The following RBFOX1 variants were observed in gnomAD, a reference collection of about 807,000 sequenced individuals.
The protein encoded by RBFOX1 is RNA binding fox-1 homolog 1.
In RBFOX1, 8 loss-of-function variants were observed where a neutral mutation model predicts 57.7. The ratio of observed to expected loss-of-function variants is 0.14; its 90% CI spans 0.08 to 0.25. The LOEUF is 0.25. Among genes scored for constraint, RBFOX1 ranks in the 10% least tolerant of loss-of-function variants. The probability of loss-of-function intolerance (pLI) is 1.00; values close to 1 mark genes in which losing one functional copy is unlikely to be tolerated. For missense variants in RBFOX1, 611 were observed against 548.5 expected (o/e 1.11, Z -1.14); for synonymous variants, 326 against 222.4 (o/e 1.47, Z -4.15).
intron 1 of RBFOX1, among the ~76,000 whole-genome samples, chr16:5,399,668 C>T (rs1000218766): frequency 2.0e-5 from 3 of 151,798 alleles, no homozygotes; most frequent in African/African-American, 7.3e-5. Context: ...CACAGGAGAT[C>T]AAGGCTGCAG....
At chr16:6,251,471 T>C (rs1223787406) in intron 1 of RBFOX1, among the ~76,000 whole-genome samples, 2 of 152,150 alleles carry the variant, frequency 1.3e-5, no homozygotes, top group Admixed American at 6.6e-5. Flanking sequence ...TTTCTTTTCA[T>C]TGCAGCAGCC....
intron 4 of RBFOX1, among the ~76,000 whole-genome samples, chr16:5,943,629 G>T (rs116988454): frequency 0.019 from 2,920 of 152,234 alleles, 44 homozygotes; most frequent in Non-Finnish European, 0.03. Context: ...TCTGCATCTT[G>T]ATTGATTTAT....
intron 2 of RBFOX1, among the ~76,000 whole-genome samples, chr16:6,505,669 C>G (rs1280026903): frequency 1.3e-5 from 2 of 152,054 alleles, no homozygotes; most frequent in Admixed American, 6.5e-5. Flanking sequence ...ACAGAGAAAA[C>G]AGATGTACAT....
At chr16:6,610,622 A>C (rs1422496926) in intron 2 of RBFOX1, among the ~76,000 whole-genome samples, 1 of 151,890 alleles carries the variant, frequency 6.6e-6, no homozygotes, top group Non-Finnish European at 1.5e-5. Context: ...AAACTACTAC[A>C]CCCCACCCGA....
At chr16:5,701,736 G>T (rs1475543037) in intron 3 of RBFOX1, among the ~76,000 whole-genome samples, 2 of 152,126 alleles carry the variant, frequency 1.3e-5, no homozygotes. Flanking sequence ...ATCTGGCCAA[G>T]GTGGAGGACC....
chr16:5,308,836 A>T (rs1197431645), intron 1 of RBFOX1, among the ~76,000 whole-genome samples: 1 of 151,980 alleles, frequency 6.6e-6, no homozygotes, highest in Non-Finnish European at 1.5e-5. Flanking sequence ...TCTCTCGCAG[A>T]TTCCCAGTGC....
intron 5 of RBFOX1, among the ~76,000 whole-genome samples, chr16:7,568,467 C>A (rs904361159): frequency 6.6e-6 from 1 of 151,960 alleles, no homozygotes; most frequent in African/African-American, 2.4e-5. Flanking sequence ...GTGAGGATGA[C>A]CAGAGGTCAC....
At chr16:7,493,864 C>T (rs115882383) in intron 4 of RBFOX1, among the ~76,000 whole-genome samples, 2 of 152,206 alleles carry the variant, frequency 1.3e-5, no homozygotes, top group Non-Finnish European at 2.9e-5. Flanking sequence ...ATAAAATCAT[C>T]ATTATCATTG....
At chr16:6,422,427 C>A (rs948978779) in intron 2 of RBFOX1, among the ~76,000 whole-genome samples, 2 of 152,050 alleles carry the variant, frequency 1.3e-5, no homozygotes, top group African/African-American at 4.8e-5. Context: ...GCCCCCTTGT[C>A]TATTGTTCCC....
At chr16:7,020,030 G>A (rs958778694) in intron 3 of RBFOX1, among the ~76,000 whole-genome samples, 6 of 148,124 alleles carry the variant, frequency 4.1e-5, no homozygotes, top group African/African-American at 7.6e-5. Context: ...GAAGGCGTCT[G>A]TAGTGTTTTC....
chr16:6,132,341 G>C (rs1280171358), intron 1 of RBFOX1, among the ~76,000 whole-genome samples: 1 of 152,180 alleles, frequency 6.6e-6, no homozygotes, highest in East Asian at 1.9e-4. Flanking sequence ...GTTTCTTCTA[G>C]CATAGAATCA....
chr16:6,452,555 C>T (rs2534763), intron 2 of RBFOX1, among the ~76,000 whole-genome samples: 42,856 of 152,030 alleles, frequency 0.28, 6,192 homozygotes, highest in African/African-American at 0.31. Context: ...CAGGGATGTA[C>T]CTAGAGATCG....
chr16:5,816,107 G>A (rs923422921), intron 3 of RBFOX1, among the ~76,000 whole-genome samples: 6 of 152,164 alleles, frequency 3.9e-5, no homozygotes, highest in Non-Finnish European at 5.9e-5. Context: ...GGGATGACGG[G>A]TAGCATTAGT....
intron 1 of RBFOX1, among the ~76,000 whole-genome samples, chr16:6,270,150 A>C (rs2075028764): frequency 6.6e-6 from 1 of 151,706 alleles, no homozygotes; most frequent in South Asian, 2.1e-4. Flanking sequence ...ACCTAGAGAA[A>C]GGCAGAAAAG....
intron 4 of RBFOX1, among the ~76,000 whole-genome samples, chr16:7,429,901 A>G (rs2098661966): frequency 1.3e-5 from 2 of 152,224 alleles, no homozygotes; most frequent in Non-Finnish European, 2.9e-5. Context: ...ATGTATCAGT[A>G]AACAAAATAC....
chr16:6,693,816 A>C (rs1020636293), intron 3 of RBFOX1, among the ~76,000 whole-genome samples: 3 of 149,748 alleles, frequency 2.0e-5, no homozygotes, highest in Admixed American at 2.0e-4. Context: ...CATCATCATC[A>C]TTCTCCACTA....
chr16:6,684,645 C>G (rs1016245660), intron 3 of RBFOX1, among the ~76,000 whole-genome samples: 3 of 152,142 alleles, frequency 2.0e-5, no homozygotes, highest in African/African-American at 7.2e-5. Context: ...TGGGAGGTGG[C>G]TTCTTTATCA....
chr16:7,521,388 G>T (rs1294064965), intron 5 of RBFOX1, among the ~76,000 whole-genome samples: 1 of 152,218 alleles, frequency 6.6e-6, no homozygotes, highest in East Asian at 1.9e-4. Flanking sequence ...ATTAAAAAGA[G>T]TTTAAGCCAG....
At chr16:6,863,001 G>A (rs1046224695) in intron 3 of RBFOX1, among the ~76,000 whole-genome samples, 1 of 151,398 alleles carries the variant, frequency 6.6e-6, no homozygotes, top group African/African-American at 2.4e-5. Flanking sequence ...AAAAAAGGAA[G>A]ACAGGCCGCA....
Sources: gnomAD v4.1 joint callset for allele counts (sites outside exome capture counted in the v4.1 genomes callset) on GRCh38, gnomAD v4.1.1 for gene constraint, MANE v1.5 for transcripts, NCBI Gene and HGNC (gene_info 2026-07-23, HGNC 2026-07-21) for gene names.